GALK2: variants seen among roughly 807,000 people sequenced by gnomAD.
GALK2 encodes the protein N-acetylgalactosamine kinase.
GALK2 carries 36 observed loss-of-function variants against 52.4 expected under a neutral mutation model. The observed-to-expected ratio is 0.69, with a 90% CI of 0.53 to 0.91. The LOEUF (loss-of-function observed/expected upper bound fraction) is 0.91. GALK2 is among the 40% of genes least tolerant of loss of function. GALK2 has a pLI of 0.00. For synonymous variants in GALK2, 176 were observed against 199.1 expected (o/e 0.88, Z 0.98); for missense variants, 579 against 559.1 (o/e 1.04, Z -0.36).
At chr15:49,283,953 A>C (rs1021794308) in intron 7 of GALK2, among the ~76,000 whole-genome samples, 1 of 152,136 alleles carries the variant, frequency 6.6e-6, no homozygotes, top group Admixed American at 6.5e-5. Context: ...ATATATGTGA[A>C]GCAGAATTAT....
In GALK2 at chr15:49,355,374, C is replaced by G. The variant is rs185099777; in HGVS notation, c.427-12117C>G. ...TTAGCAGTATGTATAACTAGAATAA[C>G]CAATACAGAGAACTGCCTAAAGGAG... On this transcript the variant is annotated intron_variant, in intron 3 of 3. Transcript: ENST00000558399. Among the ~76,000 whole-genome samples the G allele has an allele frequency of 1.1e-4, 17 of 152,272 alleles. 1 individual carries two copies. The East Asian group carries it at 3.3e-3, about 29-fold the overall frequency.
intron 3 of GALK2, chr15:49,225,371 A>G (rs1335247989): frequency 2.6e-6 from 1 of 385,716 alleles, no homozygotes; most frequent in Non-Finnish European, 5.2e-6. Flanking sequence ...GTGAGTGAGC[A>G]TTATTACCAC....
In GALK2 at chr15:49,283,662, A is replaced by C; in HGVS notation, c.700A>C (p.Lys234Gln). 6.2e-7 allele frequency: 1 copy of C among 1,614,094 alleles called. No individual in the cohort carries two copies. Among genetic ancestry groups the C allele is most frequent in the East Asian group, 2.2e-5 (1 of 44,890 alleles). ...TGCCAACAGTTGTGTGGAGATGAAT[A>C]AGGCAGCAACTTCCCATTTCAATAT... ...VIANSCVEMN[K>Q]AATSHFNIRV... Residue 234 changes from lysine to glutamine, a missense_variant, in exon 7 of 10, where the codon AAG becomes CAG. Coordinates refer to ENST00000560031, the MANE Select transcript of GALK2 (RefSeq NM_002044.4).
intron 5 of GALK2, among the ~76,000 whole-genome samples, chr15:49,280,071 G>A (rs543302152): frequency 1.3e-5 from 2 of 152,102 alleles, no homozygotes; most frequent in African/African-American, 2.4e-5. Context: ...CTATGTGTTC[G>A]GCATTATGTG....
intron 3 of GALK2, among the ~76,000 whole-genome samples, chr15:49,354,658 G>T (rs1439597422): frequency 6.6e-6 from 1 of 152,146 alleles, no homozygotes; most frequent in Non-Finnish European, 1.5e-5. Flanking sequence ...AAGGTGGGCT[G>T]GGGGAGGGGC....
At position 49,255,512 on chromosome 15, in the gene GALK2, C is replaced by T. The variant is rs932379312; in HGVS notation, c.504+16145C>T. ...ATTTCCTGAATTTGGATTTGTCAGA[C>T]GGTTGCCTTATTATTAGATTGAGAC... On this transcript the variant is annotated intron_variant, in intron 5 of 9. Transcript: ENST00000560031. Among the ~76,000 whole-genome samples the T allele has an allele frequency of 1.3e-4, 19 of 142,460 alleles. 1 individual carries two copies. Among genetic ancestry groups the T allele is most frequent in the East Asian group, 3.9e-4 (2 of 5,194 alleles). The allele number at this position is 142,460 out of a possible 152,430, so 93.5% of individuals were successfully genotyped here. A position where few individuals can be genotyped will look rare whatever the true frequency, so the allele number is the denominator to read the frequency against.
At chr15:49,250,833 T>C (rs925978505) in intron 5 of GALK2, among the ~76,000 whole-genome samples, 1 of 152,066 alleles carries the variant, frequency 6.6e-6, no homozygotes, top group Non-Finnish European at 1.5e-5. Context: ...TTTTATACTC[T>C]TTGTCAAAGT....
intron 7 of GALK2, among the ~76,000 whole-genome samples, chr15:49,286,315 C>T (rs761773557): frequency 1.8e-4 from 28 of 152,186 alleles, no homozygotes; most frequent in Non-Finnish European, 3.4e-4. Flanking sequence ...TGAATGACAA[C>T]TCCCTGTATC....
chr15:49,326,495 C>T (rs2037524752), intron 9 of GALK2, among the ~76,000 whole-genome samples: 1 of 152,126 alleles, frequency 6.6e-6, no homozygotes, highest in African/African-American at 2.4e-5. Flanking sequence ...CATGATCTGC[C>T]TGCCTTGGCC....
intron 1 of GALK2, among the ~76,000 whole-genome samples, chr15:49,192,500 T>TATATAC (rs1448751318): frequency 6.1e-5 from 8 of 130,762 alleles, no homozygotes; most frequent in Non-Finnish European, 1.1e-4. Context: ...TATATATATA[T>TATATAC]ATATATATAT....
Position 49,328,665 on chromosome 15 carries a change from G to C in GALK2, c.*506G>C. 2 of 1,559,850 alleles carry C rather than the reference G, an allele frequency of 1.3e-6. No homozygotes were observed. The highest frequency in any genetic ancestry group is 1.2e-5 in the South Asian group (1 of 85,428). On this transcript the variant is annotated 3_prime_UTR_variant, in exon 10 of 10. Coordinates refer to ENST00000560031, the MANE Select transcript of GALK2 (RefSeq NM_002044.4). ...TGCCACACATTCTCTCTCAATTTCA[G>C]CTTCGGAACGCTATGAAAATAATAC... is the stretch of plus-strand genomic sequence containing the variant.
chr15:49,237,464 TTTTTTGTTTTTG>T (rs969624287), intron 4 of GALK2, among the ~76,000 whole-genome samples: 37 of 152,034 alleles, frequency 2.4e-4, no homozygotes, highest in African/African-American at 7.7e-4. Context: ...TTGTTTTTGT[TTTTTTGTTTTTG>T]TTTTTGTTTT....
At chr15:49,210,970 C>T (rs1348080379) in intron 2 of GALK2, among the ~76,000 whole-genome samples, 2 of 100,440 alleles carry the variant, frequency 2.0e-5, no homozygotes, top group Admixed American at 2.5e-4. Context: ...CACACACACA[C>T]ACTCACACAC....
chr15:49,184,879 A>T (rs908226617), intron 1 of GALK2, among the ~76,000 whole-genome samples: 3 of 152,200 alleles, frequency 2.0e-5, no homozygotes, highest in South Asian at 4.1e-4. Context: ...TCTACTCAAG[A>T]TATAAGTAGT....
chr15:49,263,703 GGTACTGGTT>G lies in GALK2; in HGVS notation c.505-18281_505-18273del, dbSNP rs1220704356. Among the ~76,000 whole-genome samples the G allele has an allele frequency of 3.8e-5, 5 of 129,910 alleles. No individual in the cohort carries two copies. The East Asian group carries it at 1.0e-3, about 26-fold the overall frequency. The allele number at this position is 129,910 out of a possible 152,430, so 85.2% of individuals were successfully genotyped here. A position where few individuals can be genotyped will look rare whatever the true frequency, so the allele number is the denominator to read the frequency against. Reference sequence around the variant, plus strand: ...ATTTTGGCATGATTTTGCAGCGGCTGGTACTGGTTGTTCCTTTCCATGTTTAGTGCTTCC... The same window carrying G: ...ATTTTGGCATGATTTTGCAGCGGCTGGTTCCTTTCCATGTTTAGTGCTTCC... On this transcript the variant is annotated intron_variant, in intron 5 of 9. Coordinates refer to ENST00000560031, the MANE Select transcript of GALK2 (RefSeq NM_002044.4).
chr15:49,243,515 A>C (rs2091199147), intron 5 of GALK2, among the ~76,000 whole-genome samples: 1 of 152,146 alleles, frequency 6.6e-6, no homozygotes, highest in Non-Finnish European at 1.5e-5. Context: ...ACCTTGTTAG[A>C]AGCCCATTTA....
chr15:49,277,496 A>G (rs947376828), intron 5 of GALK2, among the ~76,000 whole-genome samples: 4 of 143,390 alleles, frequency 2.8e-5, no homozygotes, highest in African/African-American at 1.0e-4. Context: ...TATCATAACC[A>G]TTTAGGATTT....
rs189186707 is a variant in GALK2 at position 49,348,814 on chromosome 15, C to A, written c.427-18677C>A. On this transcript the variant is annotated intron_variant, in intron 3 of 3. Transcript: ENST00000558399. ...AATATTTATAGCAAGAAGGCTTTTACCCCAGCCTTTGATATTCACTTAAAC... is the reference window on the plus strand; with the variant it reads ...AATATTTATAGCAAGAAGGCTTTTAACCCAGCCTTTGATATTCACTTAAAC... Among the ~76,000 whole-genome samples, 970 of 152,256 alleles carry A rather than the reference C, an allele frequency of 6.4e-3. 14 individuals carry two copies. Among genetic ancestry groups the A allele is most frequent in the African/African-American group, 0.022 (914 of 41,554 alleles).
At chr15:49,318,544 T>A (rs1462931160) in intron 8 of GALK2, among the ~76,000 whole-genome samples, 1 of 152,160 alleles carries the variant, frequency 6.6e-6, no homozygotes, top group Non-Finnish European at 1.5e-5. Flanking sequence ...GCAGTAATAT[T>A]TCAAAAATGA....
Sources: allele counts gnomAD v4.1 joint callset (sites outside exome capture counted in the v4.1 genomes callset), GRCh38; gene constraint gnomAD v4.1.1; transcripts MANE v1.5; gene names NCBI Gene and HGNC (gene_info 2026-07-23, HGNC 2026-07-21).